Variants in EFNA5 observed in about 807,000 individuals in gnomAD.
EFNA5 encodes ephrin-A5.
In EFNA5, 5 loss-of-function variants were observed where a neutral mutation model predicts 22.9. The ratio of observed to expected loss-of-function variants is 0.22; its 90% CI spans 0.11 to 0.46. EFNA5 has a LOEUF of 0.46. Among genes scored for constraint, EFNA5 ranks in the 20% least tolerant of loss-of-function variants. The probability of loss-of-function intolerance (pLI) is 0.99; values close to 1 mark genes in which losing one functional copy is unlikely to be tolerated. For synonymous variants in EFNA5, 113 were observed against 112.2 expected (o/e 1.01, Z -0.04); for missense variants, 237 against 293.3 (o/e 0.81, Z 1.40).
chr5:107,478,313 A>T (rs981054953), intron 1 of EFNA5, among the ~76,000 whole-genome samples: 4 of 152,198 alleles, frequency 2.6e-5, no homozygotes, highest in African/African-American at 9.7e-5. Flanking sequence ...AGGAATGTTT[A>T]GTTGCTTGCT....
intron 1 of EFNA5, among the ~76,000 whole-genome samples, chr5:107,651,427 T>A (rs933159650): frequency 5.9e-5 from 9 of 152,110 alleles, no homozygotes; most frequent in Non-Finnish European, 1.2e-4. Context: ...TTCCACAGCA[T>A]TGTTTCTATT....
chr5:107,450,645 G>A (rs186094952), intron 1 of EFNA5, among the ~76,000 whole-genome samples: 2 of 152,326 alleles, frequency 1.3e-5, no homozygotes, highest in African/African-American at 2.4e-5. Flanking sequence ...CCAGGGCACT[G>A]GATGTATGTG....
intron 1 of EFNA5, among the ~76,000 whole-genome samples, chr5:107,619,011 TC>T (rs1749979915): frequency 6.6e-6 from 1 of 151,852 alleles, no homozygotes; most frequent in African/African-American, 2.4e-5. Flanking sequence ...AAGCTCTGCC[TC>T]CCGGGTTCAT....
At chr5:107,521,333 AGGC>A (rs1747591473) in intron 1 of EFNA5, among the ~76,000 whole-genome samples, 1 of 151,892 alleles carries the variant, frequency 6.6e-6, no homozygotes, top group South Asian at 2.1e-4. Flanking sequence ...TCTGTGGCCC[AGGC>A]TGGAGTACAA....
chr5:107,609,720 G>A (rs1403248253), intron 1 of EFNA5, among the ~76,000 whole-genome samples: 1 of 152,014 alleles, frequency 6.6e-6, no homozygotes, highest in Admixed American at 6.6e-5. Flanking sequence ...CACCATACTA[G>A]CCATGCTTCC....
At chr5:107,431,642 T>G (rs1442740546) in intron 1 of EFNA5, among the ~76,000 whole-genome samples, 2 of 152,292 alleles carry the variant, frequency 1.3e-5, no homozygotes, top group Non-Finnish European at 2.9e-5. Context: ...ACCAAAGCTC[T>G]TCACTTTTCC....
At chr5:107,612,831 A>G (rs1201328141) in intron 1 of EFNA5, among the ~76,000 whole-genome samples, 6 of 152,178 alleles carry the variant, frequency 3.9e-5, no homozygotes, top group Admixed American at 6.5e-5. Context: ...TGTGTTTACC[A>G]GACTGTAAAA....
At chr5:107,579,815 A>C (rs1415625099) in intron 1 of EFNA5, among the ~76,000 whole-genome samples, 1 of 152,172 alleles carries the variant, frequency 6.6e-6, no homozygotes, top group Admixed American at 6.5e-5. Flanking sequence ...GGCACTTCTG[A>C]CCTTTGCATC....
At chr5:107,414,885 A>G (rs1414821452) in intron 2 of EFNA5, among the ~76,000 whole-genome samples, 2 of 152,200 alleles carry the variant, frequency 1.3e-5, no homozygotes, top group African/African-American at 4.8e-5. Flanking sequence ...ATTAAAAAAA[A>G]AGAGAAACTC....
chr5:107,428,610 C>A (rs58862540), intron 1 of EFNA5, among the ~76,000 whole-genome samples: 2,646 of 152,310 alleles, frequency 0.017, 75 homozygotes, highest in African/African-American at 0.059. Flanking sequence ...TACAAAACTC[C>A]TTTGTTTTTA....
At chr5:107,635,743 A>T (rs541188050) in intron 1 of EFNA5, among the ~76,000 whole-genome samples, 2 of 152,058 alleles carry the variant, frequency 1.3e-5, no homozygotes, top group South Asian at 2.1e-4. Flanking sequence ...TTAAGACCAA[A>T]CTCCTCATTA....
In EFNA5 at chr5:107,394,063, T is replaced by A. The variant is rs78100795; in HGVS notation, c.419-6292A>T. On this transcript the variant is annotated intron_variant, in intron 2 of 4. Transcript: ENST00000333274. Reference sequence around the variant, plus strand: ...TGCAACTGGCTATGTGCCCCTTTTTTAAAAGCATTTTCATACAAAGCATTT... The same window carrying A: ...TGCAACTGGCTATGTGCCCCTTTTTAAAAAGCATTTTCATACAAAGCATTT... Among the ~76,000 whole-genome samples, 1,364 of 152,344 alleles carry A rather than the reference T, an allele frequency of 9.0e-3. 27 individuals carry two copies. The highest frequency in any genetic ancestry group is 0.031 in the African/African-American group (1,299 of 41,578).
intron 1 of EFNA5, among the ~76,000 whole-genome samples, chr5:107,532,011 C>A (rs985895044): frequency 6.6e-6 from 1 of 152,156 alleles, no homozygotes; most frequent in Non-Finnish European, 1.5e-5. Context: ...TAATGTAAGA[C>A]CTCCTGAAAA....
chr5:107,632,482 G>C (rs757661604), intron 1 of EFNA5, among the ~76,000 whole-genome samples: 1 of 152,054 alleles, frequency 6.6e-6, no homozygotes, highest in Non-Finnish European at 1.5e-5. Context: ...CCCCCATCTT[G>C]TCAACTATTT....
chr5:107,488,379 T>C (rs1167783124), intron 1 of EFNA5, among the ~76,000 whole-genome samples: 1 of 152,204 alleles, frequency 6.6e-6, no homozygotes, highest in Non-Finnish European at 1.5e-5. Flanking sequence ...TTCACATTAA[T>C]CCCCAAAGTC....
intron 1 of EFNA5, among the ~76,000 whole-genome samples, chr5:107,549,896 T>C (rs1176290296): frequency 6.6e-6 from 1 of 152,222 alleles, no homozygotes; most frequent in East Asian, 1.9e-4. Context: ...CATGCAGAAA[T>C]AGCACCTCTC....
chr5:107,549,069 T>C (rs909696106), intron 1 of EFNA5, among the ~76,000 whole-genome samples: 11 of 152,206 alleles, frequency 7.2e-5, no homozygotes, highest in African/African-American at 2.7e-4. Flanking sequence ...ATTTCTTTTC[T>C]ATGCAATCTA....
chr5:107,589,201 G>T (rs1406376672), intron 1 of EFNA5, among the ~76,000 whole-genome samples: 1 of 152,170 alleles, frequency 6.6e-6, no homozygotes, highest in African/African-American at 2.4e-5. Flanking sequence ...TGCTTGACAA[G>T]GGAAAGCAGG....
intron 1 of EFNA5, among the ~76,000 whole-genome samples, chr5:107,624,516 T>C (rs1389418546): frequency 1.3e-5 from 2 of 152,176 alleles, no homozygotes; most frequent in Non-Finnish European, 2.9e-5. Flanking sequence ...TTTCTAGACA[T>C]GTGGTCCAGC....
Sources: gnomAD v4.1 joint callset for allele counts (sites outside exome capture counted in the v4.1 genomes callset) on GRCh38, gnomAD v4.1.1 for gene constraint, MANE v1.5 for transcripts, NCBI Gene and HGNC (gene_info 2026-07-23, HGNC 2026-07-21) for gene names.